The following GFRAL variants were observed in gnomAD, a reference collection of about 807,000 sequenced individuals.
GFRAL encodes GDNF family receptor alpha like, also known as GDNF family receptor alpha-like.
Under a neutral mutation model 45.4 loss-of-function variants are expected in GFRAL, and 36 were observed. The ratio of observed to expected loss-of-function variants is 0.79; its 90% confidence interval spans 0.61 to 1.05. The LOEUF (loss-of-function observed/expected upper bound fraction) is 1.05, where lower values mean the gene tolerates loss of function less well. Ranked by LOEUF, GFRAL falls within the 50% of genes least tolerant of loss-of-function variation. GFRAL has a pLI of 0.00. For synonymous variants in GFRAL, 166 were observed against 154.1 expected, an observed-to-expected ratio of 1.08 and a Z score of -0.57; for missense variants, 507 against 467.5, an observed-to-expected ratio of 1.08 and a Z score of -0.78.
At chr6:55,353,535 C>T (rs1486939310) in intron 5 of GFRAL, among the ~76,000 whole-genome samples, 1 of 151,560 alleles carries the variant, frequency 6.6e-6, no homozygotes, top group Admixed American at 6.6e-5. Context: ...GCAAATGTGT[C>T]AGTTATTTTA....
intron 6 of GFRAL, among the ~76,000 whole-genome samples, chr6:55,394,933 T>C (rs897555986): frequency 6.6e-6 from 1 of 151,714 alleles, no homozygotes; most frequent in African/African-American, 2.4e-5. Context: ...GAAAGAAAAA[T>C]GAGAAAAGGA....
At chr6:55,350,992 T>A (rs1768108649) in intron 4 of GFRAL, among the ~76,000 whole-genome samples, 1 of 152,088 alleles carries the variant, frequency 6.6e-6, no homozygotes, top group South Asian at 2.1e-4. Flanking sequence ...GATTTTTCCT[T>A]CAGCTCAATT....
rs560623624 is a variant in GFRAL, at chr6:55,400,113, T to C, written c.1121+672T>C. On this transcript the variant is annotated intron_variant, in intron 8 of 8. Transcript: ENST00000340465. ...TTAAAATTTTTCCACTTATTTAGCA[T>C]TTACAACTATACATAAAATAGTGTA... is the stretch of plus-strand genomic sequence containing the variant. Among the ~76,000 whole-genome samples the C allele has an allele frequency of 9.2e-5, 14 of 151,544 alleles. 1 individual carries two copies. The highest frequency in any genetic ancestry group is 2.1e-4 in the Non-Finnish European group (14 of 67,826).
intron 6 of GFRAL, among the ~76,000 whole-genome samples, chr6:55,363,278 C>T (rs1768302464): frequency 6.6e-6 from 1 of 151,786 alleles, no homozygotes. Context: ...ACTTTGAATA[C>T]CTTGTATATA....
chr6:55,367,810 C>G (rs534333521), intron 6 of GFRAL, among the ~76,000 whole-genome samples: 2 of 152,112 alleles, frequency 1.3e-5, no homozygotes, highest in Non-Finnish European at 2.9e-5. Context: ...CCAAGAGATC[C>G]GCTCTTAGTC....
intron 6 of GFRAL, among the ~76,000 whole-genome samples, chr6:55,366,231 G>T (rs1392537784): frequency 6.6e-6 from 1 of 151,958 alleles, no homozygotes; most frequent in African/African-American, 2.4e-5. Flanking sequence ...TTTGTGTAGA[G>T]GTGTTTGTAG....
At chr6:55,327,656 C>T (rs1767783079) in intron 1 of GFRAL, 80 bp downstream of exon 1, 2 of 1,308,522 alleles carry the variant, frequency 1.5e-6, no homozygotes, top group Non-Finnish European at 2.2e-6. Flanking sequence ...CACACTTAAG[C>T]TTAACAGGGG....
At chr6:55,346,609 T>C (rs1768045486) in intron 3 of GFRAL, among the ~76,000 whole-genome samples, 1 of 152,012 alleles carries the variant, frequency 6.6e-6, no homozygotes, top group Non-Finnish European at 1.5e-5. Flanking sequence ...AGTTAATGGA[T>C]GCAGCACACC....
chr6:55,390,789 G>A (rs1251680912), intron 6 of GFRAL, among the ~76,000 whole-genome samples: 2 of 152,040 alleles, frequency 1.3e-5, no homozygotes, highest in Non-Finnish European at 2.9e-5. Context: ...TCAGGAGGCT[G>A]AGGCAGGAGA....
intron 8 of GFRAL, among the ~76,000 whole-genome samples, chr6:55,400,906 C>G (rs1382065771): frequency 6.6e-6 from 1 of 152,166 alleles, no homozygotes; most frequent in African/African-American, 2.4e-5. Flanking sequence ...AAACATCTTA[C>G]TTTAATGGTT....
intron 6 of GFRAL, among the ~76,000 whole-genome samples, chr6:55,368,364 C>T (rs1323053126): frequency 6.7e-6 from 1 of 149,918 alleles, no homozygotes; most frequent in Admixed American, 6.6e-5. Flanking sequence ...TCAAAGTTTT[C>T]AACTTCTTTG....
intron 6 of GFRAL, among the ~76,000 whole-genome samples, chr6:55,368,731 G>A (rs1228327583): frequency 4.6e-5 from 7 of 152,146 alleles, no homozygotes; most frequent in Non-Finnish European, 1.0e-4. Flanking sequence ...CCTGCTGGGG[G>A]GTGCCTCCCA....
chr6:55,357,175 A>G (rs936979963), intron 5 of GFRAL, among the ~76,000 whole-genome samples: 3 of 151,916 alleles, frequency 2.0e-5, no homozygotes, highest in African/African-American at 4.8e-5. Flanking sequence ...CAGCTATTGT[A>G]TGAAATGTCC....
At chr6:55,393,990 C>CAACT (rs1352228335) in intron 6 of GFRAL, among the ~76,000 whole-genome samples, 1 of 152,094 alleles carries the variant, frequency 6.6e-6, no homozygotes, top group African/African-American at 2.4e-5. Context: ...TTAGCTAGTT[C>CAACT]AGTGCAGTTT....
chr6:55,351,308 G>C lies in GFRAL; in HGVS notation c.426G>C (p.Val142=). ...LEVAEACVGD[V]VCNAQLASYL... is the part of the protein sequence containing the mutation. ...TGGCAGAGGCATGTGTAGGGGATGTGGTCTGTAATGCACAGTTGGCCTCTT... is the reference window on the plus strand; with the variant it reads ...TGGCAGAGGCATGTGTAGGGGATGTCGTCTGTAATGCACAGTTGGCCTCTT... Residue 142 remains valine (V), a synonymous_variant, in exon 5 of 9, where the codon GTG becomes GTC. Coordinates refer to ENST00000340465, the MANE Select transcript of GFRAL (RefSeq NM_207410.2). The C allele has an allele frequency of 6.2e-7, 1 of 1,613,058 alleles. No homozygotes were observed. The highest frequency in any genetic ancestry group is 1.3e-5 in the African/African-American group (1 of 74,960).
Position 55,329,235 on chromosome 6 carries a change from A to G in GFRAL, c.22+1659A>G, listed in dbSNP as rs1581895881. 2.0e-5 allele frequency among the ~76,000 whole-genome samples: 3 copies of G among 152,212 alleles called. No individual in the cohort carries two copies. The East Asian group carries it at 5.8e-4, about 29-fold the overall frequency. On this transcript the variant is annotated intron_variant, in intron 1 of 8. Transcript: ENST00000340465. ...TAGTTGAGTCAATATTTTGTTGAGT[A>G]GGAAGTGTGGAAAATCCTATAAAAT...
At chr6:55,344,059 A>T (rs1158464741) in intron 3 of GFRAL, among the ~76,000 whole-genome samples, 1 of 151,632 alleles carries the variant, frequency 6.6e-6, no homozygotes, top group Non-Finnish European at 1.5e-5. Flanking sequence ...CTACCAACCA[A>T]AAAAAAAGTC....
At chr6:55,392,387 G>A (rs980141235) in intron 6 of GFRAL, among the ~76,000 whole-genome samples, 3 of 152,140 alleles carry the variant, frequency 2.0e-5, no homozygotes, top group Non-Finnish European at 2.9e-5. Context: ...CCTTTACTTG[G>A]GTCCAAATAT....
chr6:55,359,188 T>TCAC, intron 6 of GFRAL, 50 bp downstream of exon 6: 1 of 1,008,606 alleles, frequency 9.9e-7, no homozygotes, highest in East Asian at 2.9e-5. Context: ...CTATCTATCA[T>TCAC]CTATCTATCT....
Sources: gnomAD v4.1 joint callset for allele counts (sites outside exome capture counted in the v4.1 genomes callset) on GRCh38, gnomAD v4.1.1 for gene constraint, MANE v1.5 for transcripts, NCBI Gene and HGNC (gene_info 2026-07-23, HGNC 2026-07-21) for gene names.